HES7: variants seen among roughly 807,000 people sequenced by gnomAD.
HES7 encodes transcription factor HES-7.
HES7 carries 8 observed loss-of-function variants against 18.0 expected under a neutral mutation model. That is an observed-to-expected ratio of 0.45 (90% CI 0.26 to 0.80). HES7 has a LOEUF of 0.80. HES7 is among the 30% of genes least tolerant of loss of function. The pLI is 0.18. For missense variants in HES7, 356 were observed against 340.9 expected, an observed-to-expected ratio of 1.04 and a Z score of -0.35; for synonymous variants, 170 against 158.6, an observed-to-expected ratio of 1.07 and a Z score of -0.54.
At position 8,121,925 on chromosome 17, in the gene HES7, G is replaced by A. The variant is rs751064332; in HGVS notation, c.339C>T (p.His113=). 1.3e-6 allele frequency: 2 copies of A among 1,563,398 alleles called. No homozygotes were observed. Among genetic ancestry groups the A allele is most frequent in the African/African-American group, 1.4e-5 (1 of 71,284 alleles). ...ECLLRLAAFA[H]DASPAARAQL... is the part of the protein sequence containing the mutation. ...GGGCGCGGGCGGCCGGGCTGGCGTCGTGCGCGAAGGCCGCCAAGCGAAGCA... is the reference window on the plus strand; with the variant it reads ...GGGCGCGGGCGGCCGGGCTGGCGTCATGCGCGAAGGCCGCCAAGCGAAGCA... Residue 113 remains histidine (H), a synonymous_variant, in exon 4 of 4, where the codon CAC becomes CAT. Transcript: ENST00000541682.
Position 8,123,924 on chromosome 17 carries a change from C to G in HES7, c.42+119G>C, listed in dbSNP as rs1981491215. ...TCTCCAGCTTCTGGCTCCTGGAGTT[C>G]TGGAGCACCGCTCCCCTTCCACCCC... On this transcript the variant is annotated intron_variant, in intron 1 of 3. Coordinates refer to ENST00000541682, the MANE Select transcript of HES7 (RefSeq NM_001165967.2). The surrounding 1 kb of genome is among the most constrained non-coding windows in gnomAD (Gnocchi z 5.9). 1 of 1,141,418 alleles carries G rather than the reference C, an allele frequency of 8.8e-7. No homozygotes were observed. Among genetic ancestry groups the G allele is most frequent in the Admixed American group, 1.9e-5 (1 of 51,996 alleles). 70.7% of individuals were successfully genotyped at this position (1,141,418 alleles called of 1,614,324 possible). A position where few individuals can be genotyped will look rare whatever the true frequency, so the allele number is the denominator to read the frequency against.
chr17:8,125,677 G>A (rs958401508), upstream of HES7, among the ~76,000 whole-genome samples: 3 of 152,090 alleles, frequency 2.0e-5, no homozygotes, highest in African/African-American at 7.2e-5. Flanking sequence ...GGCCTACACC[G>A]TTGCCTGTCC....
chr17:8,121,203 G>A lies in HES7; in HGVS notation c.*368C>T, dbSNP rs1366149912. On this transcript the variant is annotated 3_prime_UTR_variant, in exon 4 of 4. Transcript: ENST00000541682. ...GCAGGACTGAGGGTGGGAGACAGAA[G>A]GGAAGGGAAAGTGGGCGTGGACGTC... 2.7e-5 allele frequency: 5 copies of A among 185,756 alleles called. No individual in the cohort carries two copies. Among genetic ancestry groups the A allele is most frequent in the South Asian group, 1.9e-4 (1 of 5,190 alleles). 11.5% of individuals were successfully genotyped at this position (185,756 alleles called of 1,614,324 possible). A position where few individuals can be genotyped will look rare whatever the true frequency, so the allele number is the denominator to read the frequency against.
Position 8,122,413 on chromosome 17 carries a change from C to T in HES7, c.156G>A (p.Lys52=), listed in dbSNP as rs1981403459. Residue 52 remains lysine (K), a synonymous_variant, in exon 3 of 4, where the codon AAG becomes AAA. Coordinates refer to ENST00000541682, the MANE Select transcript of HES7 (RefSeq NM_001165967.2). This position sits in a 1 kb window ranked among gnomAD's most constrained non-coding sequence, Gnocchi z 6.9. ...ACTCCAATATCTCCGCTTTCTCCAG[C>T]TTCGGGTTCCGGAGGTTCTACAGAC... ...RTRDQNLRNP[K]LEKAEILEFA... The T allele has an allele frequency of 6.3e-7, 1 of 1,587,988 alleles. No individual in the cohort carries two copies. The highest frequency in any genetic ancestry group is 1.1e-5 in the South Asian group (1 of 87,046).
Position 8,122,760 on chromosome 17 carries a change from C to G in HES7, c.138+271G>C, listed in dbSNP as rs968570. 0.98 allele frequency among the ~76,000 whole-genome samples: 149,175 copies of G among 152,248 alleles called. 73,109 individuals carry two copies. Among genetic ancestry groups the G allele is most frequent in the East Asian group, 1 (5,173 of 5,176 alleles). On this transcript the variant is annotated intron_variant, in intron 2 of 3. Transcript: ENST00000541682. The surrounding 1 kb of genome is among the most constrained non-coding windows in gnomAD (Gnocchi z 6.9). ...GAGGCTGGCTGTGGGGGAGGGGGAA[C>G]CGGACACTTAGAGACCCAAAGGGTG...
At position 8,121,799 on chromosome 17, in the gene HES7, G is replaced by T. The variant is rs771673658; in HGVS notation, c.465C>A (p.Ala155=). The T allele has an allele frequency of 2.6e-6, 4 of 1,558,130 alleles. No individual in the cohort carries two copies. The African/African-American group carries it at 5.7e-5, about 22-fold the overall frequency. ...GCAGCGCAGGGCCAAGGGCCGGTGC[G>T]GCGGGGTCCAGGGATGGGCGCGGCG... The part of the protein sequence containing the change: ...PPAPRPSLDP[A]APALGPALHQ... Residue 155 remains alanine, a synonymous_variant, in exon 4 of 4, where the codon GCC becomes GCA. Coordinates refer to ENST00000541682, the MANE Select transcript of HES7 (RefSeq NM_001165967.2).
Position 8,122,357 on chromosome 17 carries a change from C to G in HES7, c.212G>C (p.Arg71Pro). Residue 71 changes from arginine (R) to proline (P), a missense_variant, in exon 3 of 4, where the codon CGG (arginine) becomes CCG (proline). By Grantham distance (103) the Arg-to-Pro change is moderately radical. Transcript: ENST00000541682. The surrounding 1 kb of genome is among the most constrained non-coding windows in gnomAD (Gnocchi z 6.9). ...CCGCGCTGTACCCGGGGGCTCCACC[C>G]GGCTTCGCTCCCTCAAGTAGCCCAC... ...FAVGYLRERS[R>P]VEPPAAAAPG... 3 of 1,593,658 alleles carry G rather than the reference C, an allele frequency of 1.9e-6. No homozygotes were observed. Among genetic ancestry groups the G allele is most frequent in the Non-Finnish European group, 2.6e-6 (3 of 1,170,366 alleles).
upstream of HES7, among the ~76,000 whole-genome samples, chr17:8,124,326 G>A (rs1372868): frequency 0.98 from 149,125 of 152,198 alleles, 73,085 homozygotes; most frequent in East Asian, 1. Context: ...TTTACAGACC[G>A]TAAGGCTGTA....
Position 8,122,975 on chromosome 17 carries a change from G to T in HES7, c.138+56C>A, listed in dbSNP as rs1021612889. 6 of 1,383,940 alleles carry T rather than the reference G, an allele frequency of 4.3e-6. No individual in the cohort carries two copies. The South Asian group carries it at 6.2e-5, about 14-fold the overall frequency. 85.7% of individuals were successfully genotyped at this position (1,383,940 alleles called of 1,614,324 possible). ...GCTTGTGTCCCCACCCCAGTGGGAAGCCCTGGGACGCGGAAACGGGAAGCT... is the reference window on the plus strand; with the variant it reads ...GCTTGTGTCCCCACCCCAGTGGGAATCCCTGGGACGCGGAAACGGGAAGCT... On this transcript the variant is annotated intron_variant, in intron 2 of 3. Coordinates refer to ENST00000541682, the MANE Select transcript of HES7 (RefSeq NM_001165967.2). The surrounding 1 kb of genome is among the most constrained non-coding windows in gnomAD (Gnocchi z 6.9).
upstream of HES7, among the ~76,000 whole-genome samples, chr17:8,124,322 G>C (rs563332966): frequency 7.2e-5 from 11 of 152,228 alleles, no homozygotes; most frequent in African/African-American, 2.4e-4. Context: ...CTGGTTTACA[G>C]ACCGTAAGGC....
rs921367534 is a variant in HES7, at chr17:8,120,921, G to C, written c.*650C>G. On this transcript the variant is annotated 3_prime_UTR_variant, in exon 4 of 4. Transcript: ENST00000541682. ...AAGCTACAAGACGCCGCCGTTCGTC[G>C]GGTGGCTCTGTGGCGCAATGGATAG... The C allele has an allele frequency of 1.3e-5, 2 of 152,812 alleles. No homozygotes were observed. The highest frequency in any genetic ancestry group is 4.1e-4 in the South Asian group (2 of 4,836). The allele number at this position is 152,812 out of a possible 1,614,324, so 9.5% of individuals were successfully genotyped here.
Position 8,123,119 on chromosome 17 carries a change from T to C in HES7, c.50A>G (p.Lys17Arg). ...AENRDGPKML[K>R]PLVEKRRRDR... ...CCGGCGCCGCTTCTCCACAAGCGGC[T>C]TGAGCATCTGCGACCAGCGAGAAAA... Residue 17 changes from lysine to arginine, a missense_variant, in exon 2 of 4, where the codon AAG becomes AGG. Lys to Arg is a conservative substitution (Grantham distance 26). Coordinates refer to ENST00000541682, the MANE Select transcript of HES7 (RefSeq NM_001165967.2). The surrounding 1 kb of genome is among the most constrained non-coding windows in gnomAD (Gnocchi z 5.9). 6.2e-7 allele frequency: 1 copy of C among 1,605,906 alleles called. No homozygotes were observed. Among genetic ancestry groups the C allele is most frequent in the Non-Finnish European group, 8.5e-7 (1 of 1,176,706 alleles).
upstream of HES7, among the ~76,000 whole-genome samples, chr17:8,125,740 A>G (rs187419330): frequency 2.6e-5 from 4 of 152,328 alleles, no homozygotes; most frequent in South Asian, 2.1e-4. Context: ...AGAATCTTTA[A>G]GCCGCGCATT....
At position 8,122,424 on chromosome 17, in the gene HES7, G is replaced by T; in HGVS notation, c.145C>A (p.Arg49=). 1 of 1,582,376 alleles carries T rather than the reference G, an allele frequency of 6.3e-7. No homozygotes were observed. Among genetic ancestry groups the T allele is most frequent in the Non-Finnish European group, 8.6e-7 (1 of 1,164,082 alleles). The part of the protein sequence containing the change: ...LLERTRDQNL[R]NPKLEKAEIL... The stretch of plus-strand genomic sequence containing the variant: ...TCCGCTTTCTCCAGCTTCGGGTTCC[G>T]GAGGTTCTACAGACGGGAGGGGAGG... The change falls in exon 3 of 4, where the codon CGG becomes AGG. Residue 49 remains arginine, a synonymous_variant. Coordinates refer to ENST00000541682, the MANE Select transcript of HES7 (RefSeq NM_001165967.2). This position sits in a 1 kb window ranked among gnomAD's most constrained non-coding sequence, Gnocchi z 6.9.
rs541012018 is a variant in HES7, at chr17:8,121,425, T to C, written c.*146A>G. On this transcript the variant is annotated 3_prime_UTR_variant, in exon 4 of 4. Transcript: ENST00000541682. ...ATATATTTATATAGATACTCTAATA[T>C]AGACCACATCTCACCCGCGCGCTGA... 1.0e-5 allele frequency: 5 copies of C among 496,894 alleles called. No homozygotes were observed. Among genetic ancestry groups the C allele is most frequent in the Admixed American group, 4.4e-5 (1 of 22,900 alleles). 30.8% of individuals were successfully genotyped at this position (496,894 alleles called of 1,614,324 possible). A position where few individuals can be genotyped will look rare whatever the true frequency, so the allele number is the denominator to read the frequency against.
chr17:8,125,803 TCCCGGCCAATGCACG>T, upstream of HES7, among the ~76,000 whole-genome samples: 1 of 152,330 alleles, frequency 6.6e-6, no homozygotes, highest in Non-Finnish European at 1.5e-5. Flanking sequence ...CGGGTTCGAT[TCCCGGCCAATGCACG>T]AGTACAGTTT....
upstream of HES7, among the ~76,000 whole-genome samples, chr17:8,124,667 G>A (rs569281875): frequency 2.0e-5 from 3 of 152,260 alleles, no homozygotes; most frequent in African/African-American, 4.8e-5. Context: ...CCCACTCTGC[G>A]GACAGGGCAC....
In HES7 at chr17:8,123,008, C is replaced by T. The variant is rs376049573; in HGVS notation, c.138+23G>A. On this transcript the variant is annotated intron_variant, in intron 2 of 3. Transcript: ENST00000541682. This position sits in a 1 kb window ranked among gnomAD's most constrained non-coding sequence, Gnocchi z 5.9. Reference sequence around the variant, plus strand: ...ACGCGGAAACGGGAAGCTTGGGGACCTAGGGCTAGCGGAGGGACTGACCTG... The same window carrying T: ...ACGCGGAAACGGGAAGCTTGGGGACTTAGGGCTAGCGGAGGGACTGACCTG... 1.3e-6 allele frequency: 2 copies of T among 1,565,528 alleles called. No individual in the cohort carries two copies. The highest frequency in any genetic ancestry group is 4.7e-5 in the East Asian group (2 of 42,762).
At position 8,121,399 on chromosome 17, in the gene HES7, T is replaced by C. The variant is rs941306526; in HGVS notation, c.*172A>G. On this transcript the variant is annotated 3_prime_UTR_variant, in exon 4 of 4. Coordinates refer to ENST00000541682, the MANE Select transcript of HES7 (RefSeq NM_001165967.2). ...GGAAAAGGGACAGGAACCAGGGAAA[T>C]ATATATTTATATAGATACTCTAATA... The C allele has an allele frequency of 2.1e-5, 9 of 426,336 alleles. No individual in the cohort carries two copies. Among genetic ancestry groups the C allele is most frequent in the Admixed American group, 4.4e-5 (1 of 22,642 alleles). The allele number at this position is 426,336 out of a possible 1,614,324, so 26.4% of individuals were successfully genotyped here.
Sources: gnomAD v4.1 joint callset for allele counts (sites outside exome capture counted in the v4.1 genomes callset) on GRCh38, gnomAD v4.1.1 for gene constraint, Gnocchi (gnomAD v3.1) non-coding constraint, MANE v1.5 for transcripts, NCBI Gene and HGNC (gene_info 2026-07-23, HGNC 2026-07-21) for gene names.